PHAX: variants seen among roughly 807,000 people sequenced by gnomAD.
PHAX encodes phosphorylated adapter RNA export protein.
PHAX carries 31 observed loss-of-function variants against 41.6 expected under a neutral mutation model. The ratio of observed to expected loss-of-function variants is 0.75; its 90% CI spans 0.56 to 1.01. The LOEUF is 1.01. Ranked by LOEUF, PHAX falls within the 50% of genes least tolerant of loss-of-function variation. The probability of loss-of-function intolerance (pLI) is 0.00; values close to 1 mark genes in which losing one functional copy is unlikely to be tolerated. For missense variants in PHAX, 453 were observed against 472.9 expected (o/e 0.96, Z 0.39); for synonymous variants, 175 against 164.9 (o/e 1.06, Z -0.47).
intron 2 of PHAX, among the ~76,000 whole-genome samples, chr5:126,607,655 G>A (rs943168151): frequency 5.3e-5 from 8 of 151,796 alleles, no homozygotes; most frequent in Admixed American, 3.3e-4. Flanking sequence ...CACCCACCTC[G>A]GCCTCCCAAA....
chr5:126,627,170 T>C lies in PHAX; in HGVS notation c.*2326T>C, dbSNP rs1752370213. The stretch of plus-strand genomic sequence containing the variant: ...GTTCTGAGAATGTGGTCATTGAAGT[T>C]GGATCTAAGAGGAAAGTGGTTATCG... On this transcript the variant is annotated 3_prime_UTR_variant, in exon 5 of 5. Coordinates refer to ENST00000297540, the MANE Select transcript of PHAX (RefSeq NM_032177.4). 6.6e-6 allele frequency: 1 copy of C among 152,188 alleles called. No individual in the cohort carries two copies. Among genetic ancestry groups the C allele is most frequent in the Non-Finnish European group, 1.5e-5 (1 of 68,036 alleles). The allele number at this position is 152,188 out of a possible 1,614,324, so 9.4% of individuals were successfully genotyped here.
chr5:126,610,888 G>A (rs1179712468), intron 3 of PHAX, among the ~76,000 whole-genome samples: 1 of 151,930 alleles, frequency 6.6e-6, no homozygotes, highest in East Asian at 1.9e-4. Context: ...TGTGTTTTTA[G>A]TAGAGATGGA....
chr5:126,614,701 G>T lies in PHAX; in HGVS notation c.832-2549G>T, dbSNP rs146679913. Among the ~76,000 whole-genome samples, 1,126 of 152,106 alleles carry T rather than the reference G, an allele frequency of 7.4e-3. 12 individuals are homozygous for T. The highest frequency in any genetic ancestry group is 0.017 in the Middle Eastern group (5 of 294). ...CAATAAAAAATCAGTAAAAGAGTGT[G>T]TAGTGAGAGGCTACCCGGACCACAC... On this transcript the variant is annotated intron_variant, in intron 3 of 4. Coordinates refer to ENST00000297540, the MANE Select transcript of PHAX (RefSeq NM_032177.4).
In PHAX at chr5:126,604,274, C is replaced by CTTT. The variant is rs57270218; in HGVS notation, c.710+108_710+110dup. The stretch of plus-strand genomic sequence containing the variant: ...TGCCAAATACTTTAATGATATGTTC[C>CTTT]TTTTTTTTTTTTTTTTTTTGGAGAC... On this transcript the variant is annotated intron_variant, in intron 2 of 4. Transcript: ENST00000297540. 2,297 of 643,984 alleles carry CTTT rather than the reference C, an allele frequency of 3.6e-3. 7 individuals are homozygous for CTTT. Among genetic ancestry groups the CTTT allele is most frequent in the African/African-American group, 9.7e-3 (306 of 31,550 alleles). 39.9% of individuals were successfully genotyped at this position (643,984 alleles called of 1,614,324 possible).
At chr5:126,611,085 T>C (rs1561680571) in intron 3 of PHAX, among the ~76,000 whole-genome samples, 3 of 147,842 alleles carry the variant, frequency 2.0e-5, no homozygotes, top group African/African-American at 7.6e-5. Flanking sequence ...GATGTAGTTT[T>C]GCTCTTGTTG....
chr5:126,608,958 GA>G (rs113506836), intron 3 of PHAX, among the ~76,000 whole-genome samples: 4 of 148,406 alleles, frequency 2.7e-5, no homozygotes, highest in African/African-American at 1.0e-4. Flanking sequence ...AGAATAAAAA[GA>G]AAAAAAAATT....
intron 1 of PHAX, among the ~76,000 whole-genome samples, chr5:126,601,617 C>G (rs988109575): frequency 6.6e-6 from 1 of 152,162 alleles, no homozygotes; most frequent in Non-Finnish European, 1.5e-5. Context: ...TTCCACCGAA[C>G]CTAGCTTTGT....
intron 3 of PHAX, among the ~76,000 whole-genome samples, chr5:126,616,662 C>T (rs958426587): frequency 1.3e-5 from 2 of 151,954 alleles, no homozygotes; most frequent in African/African-American, 4.8e-5. Flanking sequence ...GGCAGATCGC[C>T]TGAGGTCAGG....
intron 2 of PHAX, among the ~76,000 whole-genome samples, chr5:126,606,818 A>AT (rs67434680): frequency 1.1e-4 from 17 of 149,530 alleles, no homozygotes; most frequent in Admixed American, 2.7e-4. Context: ...CGCCCAGATA[A>AT]TTTTTTTTTT....
At chr5:126,617,626 A>G (rs1269133301) in intron 4 of PHAX, among the ~76,000 whole-genome samples, 1 of 152,034 alleles carries the variant, frequency 6.6e-6, no homozygotes, top group Middle Eastern at 3.2e-3. Context: ...TTACAGGCAC[A>G]TGCCACCATG....
At chr5:126,621,489 A>T (rs1752271570) in intron 4 of PHAX, among the ~76,000 whole-genome samples, 1 of 152,172 alleles carries the variant, frequency 6.6e-6, no homozygotes, top group Admixed American at 6.6e-5. Flanking sequence ...TGCCTGACCA[A>T]TAAAATTTTA....
chr5:126,607,735 A>G (rs1002490750), intron 2 of PHAX, among the ~76,000 whole-genome samples: 5 of 152,172 alleles, frequency 3.3e-5, no homozygotes, highest in Non-Finnish European at 7.3e-5. Context: ...GTGAGCTTTG[A>G]CACTGGAAGA....
intron 2 of PHAX, among the ~76,000 whole-genome samples, chr5:126,604,684 T>C (rs1312730680): frequency 6.6e-6 from 1 of 151,866 alleles, no homozygotes; most frequent in African/African-American, 2.4e-5. Context: ...TCCTTCCACC[T>C]CAGCTTCCTG....
At chr5:126,605,484 T>C (rs944877432) in intron 2 of PHAX, among the ~76,000 whole-genome samples, 3 of 151,992 alleles carry the variant, frequency 2.0e-5, no homozygotes, top group African/African-American at 7.2e-5. Context: ...CGTCCCCTCA[T>C]GAGAATTGCT....
chr5:126,605,386 G>T (rs1351867603), intron 2 of PHAX, among the ~76,000 whole-genome samples: 1 of 151,868 alleles, frequency 6.6e-6, no homozygotes, highest in Non-Finnish European at 1.5e-5. Flanking sequence ...CATTCGTAAT[G>T]TATTTTTCTG....
At chr5:126,609,095 ATTTTTTTT>A (rs761125079) in intron 3 of PHAX, among the ~76,000 whole-genome samples, 1 of 101,254 alleles carries the variant, frequency 9.9e-6, no homozygotes, top group Non-Finnish European at 1.8e-5. Flanking sequence ...TAGGGGTTGA[ATTTTTTTT>A]TTTTTTTTTT....
intron 3 of PHAX, among the ~76,000 whole-genome samples, chr5:126,612,649 C>T (rs1429411163): frequency 4.6e-5 from 7 of 151,844 alleles, no homozygotes; most frequent in Non-Finnish European, 2.9e-5. Context: ...TGCCATGAGC[C>T]GGGATTGCGC....
At position 126,624,633 on chromosome 5, in the gene PHAX, G is replaced by A. The variant is rs1752318532; in HGVS notation, c.974G>A (p.Arg325Lys). The A allele has an allele frequency of 6.2e-7, 1 of 1,612,934 alleles. No homozygotes were observed. The highest frequency in any genetic ancestry group is 8.5e-7 in the Non-Finnish European group (1 of 1,179,334). The stretch of plus-strand genomic sequence containing the variant: ...GAAAATAAAAAAGCTGCTAGGAAGA[G>A]GAGAACACAAGTGTTGGGGAAAAAG... ...EYENKKAARKRRTQVLGKKMK... is the reference protein window; with the variant it reads ...EYENKKAARKKRTQVLGKKMK... The change falls in exon 5 of 5, where the codon AGG (arginine) becomes AAG (lysine). Residue 325 changes from arginine (R) to lysine (K), a missense_variant. Transcript: ENST00000297540.
chr5:126,613,232 A>G (rs1391193631), intron 3 of PHAX, among the ~76,000 whole-genome samples: 1 of 151,740 alleles, frequency 6.6e-6, no homozygotes, highest in East Asian at 1.9e-4. Flanking sequence ...GCCTGTAATC[A>G]CAGGTGCTCG....
Sources: allele counts gnomAD v4.1 joint callset (sites outside exome capture counted in the v4.1 genomes callset), GRCh38; gene constraint gnomAD v4.1.1; transcripts MANE v1.5; gene names NCBI Gene and HGNC (gene_info 2026-07-23, HGNC 2026-07-21).